The following GAL3ST2 variants were observed in gnomAD, a reference collection of about 807,000 sequenced individuals.
The protein encoded by GAL3ST2 is beta-galactose-3-O-sulfotransferase 2.
Under a neutral mutation model 12.9 loss-of-function variants are expected in GAL3ST2, and 16 were observed. That is an observed-to-expected ratio of 1.24 (90% confidence interval 0.84 to 1.88). The LOEUF (loss-of-function observed/expected upper bound fraction) is 1.88, where lower values mean the gene tolerates loss of function less well. Ranked by LOEUF, GAL3ST2 falls within the 40% of genes most tolerant of loss-of-function variation. The pLI, the probability that GAL3ST2 is intolerant of heterozygous loss-of-function variation, is 0.00. For missense variants in GAL3ST2, 639 were observed against 571.8 expected, an observed-to-expected ratio of 1.12 and a Z score of -1.20; for synonymous variants, 302 against 273.9, an observed-to-expected ratio of 1.10 and a Z score of -1.01.
intron 1 of GAL3ST2, among the ~76,000 whole-genome samples, chr2:241,786,136 CTT>C (rs1266234529): frequency 8.5e-6 from 1 of 118,242 alleles, no homozygotes; most frequent in African/African-American, 4.6e-5. Context: ...CACCACACAC[CTT>C]TTGTGTGTGT....
At chr2:241,787,461 G>A (rs929434936) in intron 1 of GAL3ST2, among the ~76,000 whole-genome samples, 5 of 151,838 alleles carry the variant, frequency 3.3e-5, no homozygotes, top group African/African-American at 1.2e-4. Flanking sequence ...TGATGTCCGG[G>A]AGCACCCCCT....
chr2:241,803,823 A>T lies in GAL3ST2; in HGVS notation c.854A>T (p.His285Leu). Reference protein sequence around the residue: ...WCALDWRLYEHFNRTLWAQLR... With the variant: ...WCALDWRLYELFNRTLWAQLR... The stretch of plus-strand genomic sequence containing the variant: ...GCGCTGGACTGGCGCCTGTACGAGC[A>T]TTTCAACCGCACCCTCTGGGCGCAG... Residue 285 changes from histidine (H) to leucine (L), a missense_variant, in exon 4 of 4, where the codon CAT becomes CTT. Physicochemically the swap from His to Leu is moderately conservative, Grantham distance 99. Transcript: ENST00000192314. 1 of 1,492,264 alleles carries T rather than the reference A, an allele frequency of 6.7e-7. No individual in the cohort carries two copies. Among genetic ancestry groups the T allele is most frequent in the Non-Finnish European group, 8.9e-7 (1 of 1,129,306 alleles). 92.4% of individuals were successfully genotyped at this position (1,492,264 alleles called of 1,614,324 possible). A position where few individuals can be genotyped will look rare whatever the true frequency, so the allele number is the denominator to read the frequency against.
At position 241,803,543 on chromosome 2, in the gene GAL3ST2, A is replaced by G; in HGVS notation, c.574A>G (p.Asn192Asp). Residue 192 changes from asparagine to aspartate, a missense_variant, in exon 4 of 4, where the codon AAC becomes GAC. By Grantham distance (23) the Asn-to-Asp change is conservative. Coordinates refer to ENST00000192314, the MANE Select transcript of GAL3ST2 (RefSeq NM_022134.3). ...RHLRNVYAKNNMWFDFGFDPN... is the reference protein window; with the variant it reads ...RHLRNVYAKNDMWFDFGFDPN... ...CCTCAGGAACGTCTACGCCAAGAACAACATGTGGTTCGACTTCGGCTTCGA... is the reference window on the plus strand; with the variant it reads ...CCTCAGGAACGTCTACGCCAAGAACGACATGTGGTTCGACTTCGGCTTCGA... 3 of 1,609,360 alleles carry G rather than the reference A, an allele frequency of 1.9e-6. No individual in the cohort carries two copies. Among genetic ancestry groups the G allele is most frequent in the Non-Finnish European group, 2.5e-6 (3 of 1,178,164 alleles).
chr2:241,799,391 C>T (rs1699816145), intron 2 of GAL3ST2, among the ~76,000 whole-genome samples: 1 of 152,172 alleles, frequency 6.6e-6, no homozygotes, highest in Non-Finnish European at 1.5e-5. Context: ...TGGGGACAGA[C>T]CCAGTGTGTG....
intron 1 of GAL3ST2, among the ~76,000 whole-genome samples, chr2:241,796,832 C>G (rs1257387709): frequency 6.6e-6 from 1 of 152,078 alleles, no homozygotes; most frequent in Non-Finnish European, 1.5e-5. Context: ...CACGTGGGGT[C>G]AGCTAGTGGC....
In GAL3ST2 at chr2:241,802,685, G is replaced by A. The variant is rs556721017; in HGVS notation, c.375+649G>A. On this transcript the variant is annotated intron_variant, in intron 3 of 3. Coordinates refer to ENST00000192314, the MANE Select transcript of GAL3ST2 (RefSeq NM_022134.3). This position sits in a 1 kb window ranked among gnomAD's most constrained non-coding sequence, Gnocchi z 4.8. ...AGGAGGGGAAAGGAAGAGGGTGGGG[G>A]CAGGGAGGAGGCCTCCCACTGTTCT... 7.4e-5 allele frequency among the ~76,000 whole-genome samples: 11 copies of A among 149,196 alleles called. No individual in the cohort carries two copies. The East Asian group carries it at 2.2e-3, about 30-fold the overall frequency.
chr2:241,787,823 G>A (rs1348805101), intron 1 of GAL3ST2, among the ~76,000 whole-genome samples: 2 of 151,908 alleles, frequency 1.3e-5, no homozygotes, highest in African/African-American at 4.8e-5. Flanking sequence ...TATTGTTGGG[G>A]ATTTTGTTGT....
intron 1 of GAL3ST2, among the ~76,000 whole-genome samples, chr2:241,778,938 A>G (rs1189319778): frequency 6.6e-6 from 1 of 152,090 alleles, no homozygotes; most frequent in Non-Finnish European, 1.5e-5. Flanking sequence ...TCAGATACGC[A>G]TTTATCTCAG....
intron 1 of GAL3ST2, among the ~76,000 whole-genome samples, chr2:241,788,268 G>C (rs1229080603): frequency 1.3e-5 from 2 of 152,186 alleles, no homozygotes; most frequent in African/African-American, 4.8e-5. Context: ...TGGCTTTGGG[G>C]GGTACCATAG....
intron 1 of GAL3ST2, among the ~76,000 whole-genome samples, chr2:241,786,727 T>C (rs762757040): frequency 5.3e-5 from 8 of 152,198 alleles, no homozygotes; most frequent in Non-Finnish European, 8.8e-5. Context: ...TCCTATTGGT[T>C]TGAGCCATAA....
At chr2:241,799,239 GC>G in intron 2 of GAL3ST2, 85 bp downstream of exon 2, 1 of 1,172,106 alleles carries the variant, frequency 8.5e-7, no homozygotes, top group Non-Finnish European at 1.3e-6. Context: ...GCATGATCAC[GC>G]CCCCCACTGG....
chr2:241,792,744 C>CG (rs956936695), intron 1 of GAL3ST2, among the ~76,000 whole-genome samples: 23 of 152,064 alleles, frequency 1.5e-4, no homozygotes, highest in South Asian at 4.2e-4. Flanking sequence ...AAAGAGAAAA[C>CG]GGGGGGAAAT....
chr2:241,778,289 G>C (rs1327929545), intron 1 of GAL3ST2, among the ~76,000 whole-genome samples: 1 of 152,242 alleles, frequency 6.6e-6, no homozygotes, highest in Non-Finnish European at 1.5e-5. Context: ...GGGGACGGTA[G>C]TGTGTGGTGC....
rs761167342 is a variant in GAL3ST2 at position 241,801,929 on chromosome 2, G to A, written c.268G>A (p.Val90Ile). 33 of 1,612,994 alleles carry A rather than the reference G, an allele frequency of 2.0e-5. No individual in the cohort carries two copies. Among genetic ancestry groups the A allele is most frequent in the Non-Finnish European group, 2.5e-5 (30 of 1,179,948 alleles). ...CGTGGCGCTGCCCGCCGGCTCACGC[G>A]TCCACCTGGGCTACCCCTGGCTCTT... ...LSVALPAGSRVHLGYPWLFLA... is the reference protein window; with the variant it reads ...LSVALPAGSRIHLGYPWLFLA... Residue 90 changes from valine (V) to isoleucine (I), a missense_variant, in exon 3 of 4, where the codon GTC (valine) becomes ATC (isoleucine). By Grantham distance (29) the Val-to-Ile change is conservative. Coordinates refer to ENST00000192314, the MANE Select transcript of GAL3ST2 (RefSeq NM_022134.3). The surrounding 1 kb of genome is among the most constrained non-coding windows in gnomAD (Gnocchi z 4.4).
rs781707121 is a variant in GAL3ST2, at chr2:241,803,871, G to GGCGGCTGCGCGGGGAGGTGGA, written c.914_934dup (p.Gly305_Arg311dup). ...CAGCTGCGCGCCGAGCTGGGGCCGCGGCGGCTGCGCGGGGAGGTGGAGCGG... is the reference window on the plus strand; with the variant it reads ...CAGCTGCGCGCCGAGCTGGGGCCGCGGCGGCTGCGCGGGGAGGTGGAGCGGCTGCGCGGGGAGGTGGAGCGG... On this transcript the variant is annotated inframe_insertion, in exon 4 of 4. Transcript: ENST00000192314. 11 of 1,424,936 alleles carry GGCGGCTGCGCGGGGAGGTGGA rather than the reference G, an allele frequency of 7.7e-6. No homozygotes were observed. Among genetic ancestry groups the GGCGGCTGCGCGGGGAGGTGGA allele is most frequent in the African/African-American group, 1.5e-5 (1 of 65,980 alleles). The allele number at this position is 1,424,936 out of a possible 1,614,324, so 88.3% of individuals were successfully genotyped here. A position where few individuals can be genotyped will look rare whatever the true frequency, so the allele number is the denominator to read the frequency against.
intron 1 of GAL3ST2, among the ~76,000 whole-genome samples, chr2:241,782,536 G>A (rs1699577755): frequency 2.6e-5 from 4 of 152,046 alleles, no homozygotes; most frequent in African/African-American, 9.7e-5. Flanking sequence ...ATGTTGGCCA[G>A]GCTGGTCTTG....
rs576022874 is a variant in GAL3ST2 at position 241,802,399 on chromosome 2, A to G, written c.375+363A>G. On this transcript the variant is annotated intron_variant, in intron 3 of 3. Transcript: ENST00000192314. This position sits in a 1 kb window ranked among gnomAD's most constrained non-coding sequence, Gnocchi z 4.8. ...TTCTTTGGGTCCCTTGGGTCTCAGCATAGAGCCGGCTTCCCCCCAGGGCTT... is the reference window on the plus strand; with the variant it reads ...TTCTTTGGGTCCCTTGGGTCTCAGCGTAGAGCCGGCTTCCCCCCAGGGCTT... 1.1e-4 allele frequency among the ~76,000 whole-genome samples: 17 copies of G among 152,082 alleles called. No homozygotes were observed. The highest frequency in any genetic ancestry group is 2.9e-5 in the Non-Finnish European group (2 of 67,980).
rs1699821999 is a variant in GAL3ST2, at chr2:241,800,066, G to T, written c.119+912G>T. Among the ~76,000 whole-genome samples, 1 of 152,262 alleles carries T rather than the reference G, an allele frequency of 6.6e-6. No individual in the cohort carries two copies. The highest frequency in any genetic ancestry group is 6.5e-5 in the Admixed American group (1 of 15,290). Reference sequence around the variant, plus strand: ...TGCGTGCCTGGGCACCAGGGAGAAGGCTGGGGTGATGTGTGGGCCAGAGTG... The same window carrying T: ...TGCGTGCCTGGGCACCAGGGAGAAGTCTGGGGTGATGTGTGGGCCAGAGTG... On this transcript the variant is annotated intron_variant, in intron 2 of 3. Coordinates refer to ENST00000192314, the MANE Select transcript of GAL3ST2 (RefSeq NM_022134.3). This position sits in a 1 kb window ranked among gnomAD's most constrained non-coding sequence, Gnocchi z 5.2.
chr2:241,801,511 AT>A lies in GAL3ST2; in HGVS notation c.120-265del. 1.9e-6 allele frequency: 1 copy of A among 519,566 alleles called. No individual in the cohort carries two copies. The highest frequency in any genetic ancestry group is 3.4e-6 in the Non-Finnish European group (1 of 295,786). 32.2% of individuals were successfully genotyped at this position (519,566 alleles called of 1,614,324 possible). A position where few individuals can be genotyped will look rare whatever the true frequency, so the allele number is the denominator to read the frequency against. ...CAAGATGGGGTTCATTTAGGGTTTTATTTTTAGTTCTCGGGGGCACAGGGTT... is the reference window on the plus strand; with the variant it reads ...CAAGATGGGGTTCATTTAGGGTTTTATTTTAGTTCTCGGGGGCACAGGGTT... On this transcript the variant is annotated intron_variant, in intron 2 of 3. Coordinates refer to ENST00000192314, the MANE Select transcript of GAL3ST2 (RefSeq NM_022134.3). The surrounding 1 kb of genome is among the most constrained non-coding windows in gnomAD (Gnocchi z 4.4).
Sources: gnomAD v4.1 joint callset for allele counts (sites outside exome capture counted in the v4.1 genomes callset) on GRCh38, gnomAD v4.1.1 for gene constraint, Gnocchi (gnomAD v3.1) non-coding constraint, MANE v1.5 for transcripts, NCBI Gene and HGNC (gene_info 2026-07-23, HGNC 2026-07-21) for gene names.